The following GPHN variants were observed in gnomAD, a reference collection of about 807,000 sequenced individuals.
The protein encoded by GPHN is gephyrin.
A neutral mutation model predicts 95.5 loss-of-function variants in GPHN; 17 were observed. The ratio of observed to expected loss-of-function variants is 0.18; its 90% CI spans 0.12 to 0.27. The LOEUF (loss-of-function observed/expected upper bound fraction) is 0.27. Ranked by LOEUF, GPHN falls within the 10% of genes least tolerant of loss-of-function variation. The pLI is 1.00. For synonymous variants in GPHN, 320 were observed against 322.5 expected (o/e 0.99, Z 0.08); for missense variants, 660 against 978.1 (o/e 0.67, Z 4.34).
At chr14:67,188,421 C>T in the GPHN span, among the ~76,000 whole-genome samples, 4 of 151,930 alleles carry the variant, frequency 2.6e-5, no homozygotes, top group South Asian at 2.1e-4. Context: ...ATCAAGGTAC[C>T]GCAGAATTAA....
At chr14:66,746,935 G>A (rs1566899555) in intron 2 of GPHN, among the ~76,000 whole-genome samples, 1 of 152,036 alleles carries the variant, frequency 6.6e-6, no homozygotes. Flanking sequence ...GACTGTTCAG[G>A]GTTTGGGGCA....
At chr14:67,063,145 A>C (rs1030128692) in intron 11 of GPHN, among the ~76,000 whole-genome samples, 3 of 152,056 alleles carry the variant, frequency 2.0e-5, no homozygotes, top group Non-Finnish European at 2.9e-5. Flanking sequence ...TCAGCTTTCT[A>C]CATATGCCTA....
intron 17 of GPHN, among the ~76,000 whole-genome samples, chr14:67,126,204 C>A (rs2079305216): frequency 6.6e-6 from 1 of 152,086 alleles, no homozygotes; most frequent in African/African-American, 2.4e-5. Flanking sequence ...TTCCTATAGT[C>A]TTTTTCTTTA....
chr14:67,649,091 T>C, the GPHN span: 1 of 152,346 alleles, frequency 6.6e-6, no homozygotes, highest in African/African-American at 2.4e-5. Context: ...CTTAGGTTAT[T>C]GGCCAGAGAA....
chr14:67,029,231 G>A (rs550470883), intron 10 of GPHN, among the ~76,000 whole-genome samples: 28 of 151,816 alleles, frequency 1.8e-4, no homozygotes, highest in East Asian at 9.7e-4. Flanking sequence ...GCTGTTTTGC[G>A]TACTACAGCT....
chr14:66,959,584 TATC>T (rs1447616554), intron 8 of GPHN, among the ~76,000 whole-genome samples: 2 of 152,146 alleles, frequency 1.3e-5, no homozygotes, highest in African/African-American at 4.8e-5. Context: ...ATTTTGACCA[TATC>T]ATTCCACTGC....
intron 12 of GPHN, among the ~76,000 whole-genome samples, chr14:67,089,363 G>T (rs192663849): frequency 1.7e-3 from 259 of 151,788 alleles, no homozygotes; most frequent in Middle Eastern, 3.4e-3. Flanking sequence ...TGGATACATG[G>T]TAGGTATACA....
chr14:67,641,559 C>T, the GPHN span, among the ~76,000 whole-genome samples: 1 of 152,216 alleles, frequency 6.6e-6, no homozygotes, highest in African/African-American at 2.4e-5. Flanking sequence ...GCAGCTAGAA[C>T]AATGCCTGGG....
chr14:67,084,539 A>C (rs1483693816), intron 11 of GPHN, among the ~76,000 whole-genome samples: 1 of 152,174 alleles, frequency 6.6e-6, no homozygotes, highest in East Asian at 1.9e-4. Flanking sequence ...GCCACTGTCT[A>C]TGTCATACTA....
the GPHN span, chr14:67,303,437 C>A: frequency 9.4e-7 from 1 of 1,069,430 alleles, no homozygotes. Context: ...CTGAAATAGT[C>A]CAGTTTAGGG....
At chr14:66,654,453 C>A (rs2065207606) in intron 1 of GPHN, among the ~76,000 whole-genome samples, 2 of 152,168 alleles carry the variant, frequency 1.3e-5, no homozygotes, top group South Asian at 2.1e-4. Context: ...TATTTTCCAT[C>A]TGCAAATCCT....
intron 2 of GPHN, among the ~76,000 whole-genome samples, chr14:66,704,564 G>A (rs1309163116): frequency 1.3e-5 from 2 of 151,908 alleles, no homozygotes; most frequent in Non-Finnish European, 1.5e-5. Flanking sequence ...AATGACTCCT[G>A]GGTAAATAAT....
At chr14:66,631,412 T>C (rs2063805176) in intron 1 of GPHN, among the ~76,000 whole-genome samples, 2 of 152,236 alleles carry the variant, frequency 1.3e-5, no homozygotes, top group South Asian at 4.1e-4. Context: ...TATTCTTGAG[T>C]TTCCTTTATT....
At chr14:67,224,797 C>G in the GPHN span, 1 of 252,302 alleles carries the variant, frequency 4.0e-6, no homozygotes, top group African/African-American at 2.3e-5. Flanking sequence ...TTCCATGTTC[C>G]TCTTAAATAT....
chr14:67,145,375 T>C (rs2080841467), intron 18 of GPHN, among the ~76,000 whole-genome samples: 1 of 152,208 alleles, frequency 6.6e-6, no homozygotes, highest in Non-Finnish European at 1.5e-5. Context: ...TCTTTATTAG[T>C]GCTAACAAAG....
intron 1 of GPHN, among the ~76,000 whole-genome samples, chr14:66,571,000 T>C (rs1336760146): frequency 1.3e-5 from 2 of 152,220 alleles, no homozygotes; most frequent in East Asian, 3.8e-4. Flanking sequence ...TCCTTATATA[T>C]TCTGGATATT....
the GPHN span, among the ~76,000 whole-genome samples, chr14:67,502,213 C>T: frequency 1.3e-5 from 2 of 151,912 alleles, no homozygotes; most frequent in Non-Finnish European, 2.9e-5. Flanking sequence ...CGCCTGTAGT[C>T]CCAGCTACTC....
intron 8 of GPHN, among the ~76,000 whole-genome samples, chr14:66,934,965 A>G (rs1352698023): frequency 1.3e-5 from 2 of 152,218 alleles, no homozygotes; most frequent in African/African-American, 2.4e-5. Context: ...TCAAATAGGA[A>G]TCCCTGAAGT....
At chr14:67,528,888 G>A in the GPHN span, among the ~76,000 whole-genome samples, 2 of 152,174 alleles carry the variant, frequency 1.3e-5, no homozygotes, top group African/African-American at 4.8e-5. Context: ...ATAGCTAGAG[G>A]TGGCCTGGAA....
Sources: gnomAD v4.1 joint callset for allele counts (sites outside exome capture counted in the v4.1 genomes callset) on GRCh38, gnomAD v4.1.1 for gene constraint, MANE v1.5 for transcripts, NCBI Gene and HGNC (gene_info 2026-07-23, HGNC 2026-07-21) for gene names.